Variants in FGGY observed in about 807,000 individuals in gnomAD.
The protein encoded by FGGY is FGGY carbohydrate kinase domain containing.
A neutral mutation model predicts 71.3 loss-of-function variants in FGGY; 72 were observed. The ratio of observed to expected loss-of-function variants is 1.01; its 90% CI spans 0.84 to 1.23. The LOEUF (loss-of-function observed/expected upper bound fraction) is 1.23, where lower values mean the gene tolerates loss of function less well. Among genes scored for constraint, FGGY ranks in the 50% most tolerant of loss-of-function variants. The probability of loss-of-function intolerance (pLI) is 0.00; values close to 1 mark genes in which losing one functional copy is unlikely to be tolerated. For synonymous variants in FGGY, 251 were observed against 250.3 expected (o/e 1.00, Z -0.02); for missense variants, 668 against 682.3 (o/e 0.98, Z 0.23).
intron 5 of FGGY, among the ~76,000 whole-genome samples, chr1:59,405,271 A>G (rs555891155): frequency 1.3e-5 from 2 of 152,332 alleles, no homozygotes; most frequent in Non-Finnish European, 1.5e-5. Context: ...TGTTAATGGC[A>G]TAAGAAATGA....
In FGGY at chr1:59,533,748, A is replaced by G. The variant is rs1342527899; in HGVS notation, c.800-20376A>G. 1.3e-5 allele frequency among the ~76,000 whole-genome samples: 2 copies of G among 152,028 alleles called. 1 individual carries two copies. The highest frequency in any genetic ancestry group is 2.9e-5 in the Non-Finnish European group (2 of 67,932). On this transcript the variant is annotated intron_variant, in intron 7 of 15. Transcript: ENST00000303721. ...CCCAGCAGGGGCAGACTGACACCTC[A>G]CACAGACCTGCAGCTGAGGGTCCTG...
intron 5 of FGGY, among the ~76,000 whole-genome samples, chr1:59,404,116 T>C (rs1200817136): frequency 6.6e-6 from 1 of 152,170 alleles, no homozygotes; most frequent in African/African-American, 2.4e-5. Flanking sequence ...TGATAAGTGT[T>C]GTTTGAGTTT....
intron 5 of FGGY, among the ~76,000 whole-genome samples, chr1:59,440,364 G>T (rs901770358): frequency 1.3e-5 from 2 of 152,018 alleles, no homozygotes; most frequent in African/African-American, 4.8e-5. Flanking sequence ...AGTTTAGCAA[G>T]CATATTGATT....
chr1:59,653,504 T>A (rs531271037), intron 11 of FGGY, among the ~76,000 whole-genome samples: 102 of 152,050 alleles, frequency 6.7e-4, no homozygotes, highest in African/African-American at 2.3e-3. Context: ...CGGGTGGGAG[T>A]GACCCGATTT....
chr1:59,460,324 T>C (rs1349149486), intron 6 of FGGY, among the ~76,000 whole-genome samples: 2 of 152,172 alleles, frequency 1.3e-5, no homozygotes, highest in Non-Finnish European at 2.9e-5. Flanking sequence ...GAGATCGAAC[T>C]GCAAGGTGGC....
chr1:59,551,659 A>G (rs1306130818), intron 7 of FGGY, among the ~76,000 whole-genome samples: 1 of 152,156 alleles, frequency 6.6e-6, no homozygotes, highest in Non-Finnish European at 1.5e-5. Context: ...GCACTTTGGA[A>G]TCAGATTACC....
intron 14 of FGGY, among the ~76,000 whole-genome samples, chr1:59,713,147 A>G (rs374599947): frequency 2.0e-5 from 3 of 152,236 alleles, no homozygotes; most frequent in African/African-American, 4.8e-5. Flanking sequence ...TTGCTAAAAC[A>G]TAACAAGAGT....
rs74086285 is a variant in FGGY, at chr1:59,657,994, C to T, written c.1222-2225C>T. ...TAGAATTTAACAAAGAAGGATAGGACATAAGGAGAGAAAGTGGTGTCTAAA... is the reference window on the plus strand; with the variant it reads ...TAGAATTTAACAAAGAAGGATAGGATATAAGGAGAGAAAGTGGTGTCTAAA... On this transcript the variant is annotated intron_variant, in intron 11 of 15. Transcript: ENST00000303721. Among the ~76,000 whole-genome samples, 536 of 152,232 alleles carry T rather than the reference C, an allele frequency of 3.5e-3. 4 individuals are homozygous for T. The highest frequency in any genetic ancestry group is 0.012 in the African/African-American group (512 of 41,548).
intron 8 of FGGY, among the ~76,000 whole-genome samples, chr1:59,583,558 T>G (rs1287230678): frequency 1.4e-5 from 2 of 142,606 alleles, no homozygotes; most frequent in Non-Finnish European, 3.0e-5. Flanking sequence ...ACCTTGGTTG[T>G]TTAGACATGT....
intron 8 of FGGY, among the ~76,000 whole-genome samples, chr1:59,577,562 G>T (rs550797517): frequency 6.6e-6 from 1 of 151,798 alleles, no homozygotes; most frequent in African/African-American, 2.4e-5. Context: ...AAAAAACAGT[G>T]TTGAATGCCT....
At chr1:59,405,654 C>T (rs1246839477) in intron 5 of FGGY, among the ~76,000 whole-genome samples, 2 of 152,048 alleles carry the variant, frequency 1.3e-5, no homozygotes, top group Non-Finnish European at 2.9e-5. Flanking sequence ...TCCAGGCTAA[C>T]CTGTCCCATG....
At chr1:59,620,029 T>A (rs1335840139) in intron 9 of FGGY, among the ~76,000 whole-genome samples, 3 of 151,980 alleles carry the variant, frequency 2.0e-5, no homozygotes, top group African/African-American at 4.8e-5. Flanking sequence ...GGCCAAGGCT[T>A]GAGGAATGTA....
At chr1:59,326,739 G>A (rs1184812115) in intron 2 of FGGY, among the ~76,000 whole-genome samples, 1 of 150,042 alleles carries the variant, frequency 6.7e-6, no homozygotes, top group East Asian at 1.9e-4. Flanking sequence ...TTTTCCTCTA[G>A]TGCTAACTGA....
At chr1:59,306,359 C>T (rs182536740) in intron 1 of FGGY, among the ~76,000 whole-genome samples, 141 of 152,238 alleles carry the variant, frequency 9.3e-4, no homozygotes, top group Non-Finnish European at 1.7e-3. Context: ...GAGGGAAAAA[C>T]ATAAGCTATA....
At chr1:59,517,486 C>T (rs955686918) in intron 7 of FGGY, among the ~76,000 whole-genome samples, 2 of 151,862 alleles carry the variant, frequency 1.3e-5, no homozygotes, top group Non-Finnish European at 1.5e-5. Flanking sequence ...GGGATGGTCT[C>T]GATCTCCTGA....
chr1:59,468,619 T>G lies in FGGY; in HGVS notation c.670+11543T>G, dbSNP rs1357418249. ...TGGGCGTGGTGGCTCACACCTGTAA[T>G]CCCAGCACTTTGGGAGGCCGAGGCA... On this transcript the variant is annotated intron_variant, in intron 6 of 15. Coordinates refer to ENST00000303721, the MANE Select transcript of FGGY (RefSeq NM_018291.5). Among the ~76,000 whole-genome samples, 5 of 152,140 alleles carry G rather than the reference T, an allele frequency of 3.3e-5. No homozygotes were observed. In the East Asian group the frequency reaches 7.7e-4, roughly 23 times the overall value.
intron 5 of FGGY, among the ~76,000 whole-genome samples, chr1:59,453,747 C>T (rs999522281): frequency 1.1e-4 from 16 of 152,104 alleles, no homozygotes; most frequent in Admixed American, 7.2e-4. Context: ...GGCTCAGACT[C>T]GGAACTGGCA....
chr1:59,739,845 A>G (rs2098133770), intron 14 of FGGY, among the ~76,000 whole-genome samples: 1 of 152,224 alleles, frequency 6.6e-6, no homozygotes. Flanking sequence ...GCAGGCTTCT[A>G]CCACTCTATA....
chr1:59,713,057 T>A (rs1351108908), intron 14 of FGGY, among the ~76,000 whole-genome samples: 1 of 152,202 alleles, frequency 6.6e-6, no homozygotes, highest in Non-Finnish European at 1.5e-5. Flanking sequence ...GAATTTCTTA[T>A]GCCAGATACC....
Sources: gnomAD v4.1 joint callset for allele counts (sites outside exome capture counted in the v4.1 genomes callset) on GRCh38, gnomAD v4.1.1 for gene constraint, MANE v1.5 for transcripts, NCBI Gene and HGNC (gene_info 2026-07-23, HGNC 2026-07-21) for gene names.